CPEB1: variants seen among roughly 807,000 people sequenced by gnomAD.
The protein encoded by CPEB1 is cytoplasmic polyadenylation element binding protein 1, also known as cytoplasmic polyadenylation element-binding protein 1.
A neutral mutation model predicts 65.8 loss-of-function variants in CPEB1; 7 were observed. The observed-to-expected ratio is 0.11, with a 90% CI of 0.06 to 0.20. CPEB1 has a LOEUF of 0.20. Ranked by LOEUF, CPEB1 falls within the 10% of genes least tolerant of loss-of-function variation. The pLI, the probability that CPEB1 is intolerant of heterozygous loss-of-function variation, is 1.00. For missense variants in CPEB1, 551 were observed against 712.2 expected (o/e 0.77, Z 2.58); for synonymous variants, 262 against 260.0 (o/e 1.01, Z -0.08).
At chr15:82,575,285 TCTGAC>T (rs2040530595) in intron 3 of CPEB1, among the ~76,000 whole-genome samples, 1 of 152,174 alleles carries the variant, frequency 6.6e-6, no homozygotes, top group Admixed American at 6.5e-5. Context: ...GGGAATAAAC[TCTGAC>T]CTATATACAA....
chr15:82,583,382 C>T (rs751420668), intron 3 of CPEB1: 5 of 152,200 alleles, frequency 3.3e-5, no homozygotes, highest in Non-Finnish European at 5.9e-5. Context: ...TGACACTACA[C>T]TGTTCAAATT....
At chr15:82,576,649 C>T (rs1490779674) in intron 3 of CPEB1, among the ~76,000 whole-genome samples, 1 of 151,950 alleles carries the variant, frequency 6.6e-6, no homozygotes, top group Non-Finnish European at 1.5e-5. Flanking sequence ...GAAAATGTTA[C>T]TAAAATGTTG....
chr15:82,548,751 T>G (rs2035733420), intron 10 of CPEB1: 1 of 455,470 alleles, frequency 2.2e-6, no homozygotes, highest in Non-Finnish European at 4.4e-6. Context: ...GTCCCTGTTC[T>G]CAATCTGCTG....
intron 5 of CPEB1, 86 bp from the exon 6 acceptor site, chr15:82,556,208 C>A: frequency 7.3e-7 from 1 of 1,370,494 alleles, no homozygotes; most frequent in Non-Finnish European, 9.7e-7. Flanking sequence ...TTAAAAACAT[C>A]CAATAGACAT....
intron 5 of CPEB1, chr15:82,556,678 G>T (rs987119919): frequency 6.6e-6 from 1 of 152,546 alleles, no homozygotes; most frequent in African/African-American, 2.4e-5. Context: ...ATATTAATCA[G>T]TCATGAGATA....
chr15:82,646,744 T>C (rs1488820264), intron 1 of CPEB1, among the ~76,000 whole-genome samples: 1 of 152,120 alleles, frequency 6.6e-6, no homozygotes, highest in Admixed American at 6.5e-5. Context: ...AAAGCCTCGG[T>C]CGACTCGACC....
intron 3 of CPEB1, among the ~76,000 whole-genome samples, chr15:82,589,037 C>T (rs1477071382): frequency 6.6e-6 from 1 of 152,184 alleles, no homozygotes; most frequent in Non-Finnish European, 1.5e-5. Flanking sequence ...TCTTGTTGAA[C>T]CTAACCTTGA....
Position 82,557,985 on chromosome 15 carries a change from T to C in CPEB1, c.462A>G (p.Val154=), listed in dbSNP as rs770782420. Residue 154 remains valine (V), a splice_region_variant and synonymous_variant, in exon 5 of 13, where the codon GTA becomes GTG. Coordinates refer to ENST00000684509, the MANE Select transcript of CPEB1 (RefSeq NM_001365242.1). ...DSSAQSSTHS[V]LSMLHNPLGN... The stretch of plus-strand genomic sequence containing the variant: ...CCAGTGGGTTATGGAGCATGCTCAG[T>C]ACTAGGAGGACAAAAAAGGAAACCT... The C allele has an allele frequency of 1.5e-5, 23 of 1,565,160 alleles. No homozygotes were observed. Among genetic ancestry groups the C allele is most frequent in the South Asian group, 9.4e-5 (8 of 85,016 alleles).
At chr15:82,552,708 G>C in intron 8 of CPEB1, 92 bp from the exon 9 acceptor site, 1 of 1,381,710 alleles carries the variant, frequency 7.2e-7, no homozygotes. Flanking sequence ...TTCCAAGAAA[G>C]AAGGTCTTGT....
At chr15:82,610,184 G>A (rs977591760) in intron 3 of CPEB1, among the ~76,000 whole-genome samples, 4 of 151,978 alleles carry the variant, frequency 2.6e-5, no homozygotes, top group African/African-American at 9.7e-5. Context: ...ATCTGCATAC[G>A]CTTTTAATGA....
intron 7 of CPEB1, 77 bp from the exon 8 acceptor site, chr15:82,553,633 G>T (rs2036661660): frequency 9.2e-7 from 1 of 1,083,820 alleles, no homozygotes; most frequent in Non-Finnish European, 1.4e-6. Flanking sequence ...AGAATCACCA[G>T]CATTCTCCTC....
At chr15:82,581,413 C>T (rs1387594261) in intron 3 of CPEB1, among the ~76,000 whole-genome samples, 1 of 152,224 alleles carries the variant, frequency 6.6e-6, no homozygotes, top group African/African-American at 2.4e-5. Context: ...TGAACACTAG[C>T]ATACAAATAT....
At chr15:82,571,249 T>C in intron 4 of CPEB1, 95 bp downstream of exon 4, 1 of 1,469,272 alleles carries the variant, frequency 6.8e-7, no homozygotes, top group Non-Finnish European at 9.1e-7. Context: ...TGGGGAGTGA[T>C]GCAAAGGGGA....
At chr15:82,586,055 A>G (rs752188438) in intron 3 of CPEB1, among the ~76,000 whole-genome samples, 10 of 152,200 alleles carry the variant, frequency 6.6e-5, no homozygotes, top group Non-Finnish European at 1.2e-4. Flanking sequence ...GTGATAAAGT[A>G]TAATTGTGAG....
chr15:82,549,715 C>T, intron 9 of CPEB1, 57 bp from the exon 10 acceptor site: 1 of 1,532,490 alleles, frequency 6.5e-7, no homozygotes, highest in Non-Finnish European at 9.0e-7. Flanking sequence ...GAGAGAGGTG[C>T]TTGCACGGCA....
chr15:82,549,695 G>C (rs372174359), intron 9 of CPEB1, 37 bp from the exon 10 acceptor site: 2 of 1,591,396 alleles, frequency 1.3e-6, no homozygotes, highest in East Asian at 2.2e-5. Context: ...CCCTGGCAGA[G>C]AGCCACAGAG....
chr15:82,605,412 G>A (rs1187731939), intron 3 of CPEB1, among the ~76,000 whole-genome samples: 1 of 151,994 alleles, frequency 6.6e-6, no homozygotes, highest in Non-Finnish European at 1.5e-5. Flanking sequence ...AGAAGGTATT[G>A]GTAAAAGGGT....
chr15:82,618,486 A>G (rs920714290), intron 3 of CPEB1, among the ~76,000 whole-genome samples: 2 of 152,234 alleles, frequency 1.3e-5, no homozygotes, highest in African/African-American at 4.8e-5. Context: ...GCAGTTGCCT[A>G]GATCCAAATC....
intron 1 of CPEB1, chr15:82,629,968 T>C: frequency 1.9e-5 from 19 of 985,450 alleles, no homozygotes; most frequent in Non-Finnish European, 2.3e-5. Context: ...CCTACAAGGT[T>C]GTTTTCCCAA....
Sources: gnomAD v4.1 joint callset for allele counts (sites outside exome capture counted in the v4.1 genomes callset) on GRCh38, gnomAD v4.1.1 for gene constraint, MANE v1.5 for transcripts, NCBI Gene and HGNC (gene_info 2026-07-23, HGNC 2026-07-21) for gene names.